FOXP1: variants seen among roughly 807,000 people sequenced by gnomAD.
The protein encoded by FOXP1 is forkhead box protein P1.
A neutral mutation model predicts 98.2 loss-of-function variants in FOXP1; 15 were observed. The observed-to-expected ratio is 0.15, with a 90% CI of 0.10 to 0.24. The LOEUF (loss-of-function observed/expected upper bound fraction) is 0.24. Among genes scored for constraint, FOXP1 ranks in the 10% least tolerant of loss-of-function variants. FOXP1 has a pLI of 1.00. For missense variants in FOXP1, 633 were observed against 848.5 expected, an observed-to-expected ratio of 0.75 and a Z score of 3.15; for synonymous variants, 371 against 314.5, an observed-to-expected ratio of 1.18 and a Z score of -1.90.
At chr3:70,967,700 G>GTTTTTGTTT (rs2035203703) in intron 19 of FOXP1, among the ~76,000 whole-genome samples, 3 of 63,628 alleles carry the variant, frequency 4.7e-5, no homozygotes, top group African/African-American at 1.6e-4. Flanking sequence ...TTTTTTTTTT[G>GTTTTTGTTT]TTTTTTTTTG....
rs112834012 is a variant in FOXP1, at chr3:71,491,452, C to T, written c.-168+1974G>A. ...GAACCGAACAACTTGCCCAAGGCCA[C>T]CCAGTAAAAAGATCAAAGATCACTA... On this transcript the variant is annotated intron_variant, in intron 3 of 20. Transcript: ENST00000649528. Among the ~76,000 whole-genome samples the T allele has an allele frequency of 4.7e-3, 712 of 152,308 alleles. 8 individuals carry two copies. Among genetic ancestry groups the T allele is most frequent in the African/African-American group, 0.016 (677 of 41,574 alleles).
At chr3:71,346,458 T>C (rs2077367098) in intron 4 of FOXP1, among the ~76,000 whole-genome samples, 1 of 152,248 alleles carries the variant, frequency 6.6e-6, no homozygotes, top group Non-Finnish European at 1.5e-5. Context: ...GTGGTTGTTT[T>C]CATCCAAGGT....
intron 5 of FOXP1, among the ~76,000 whole-genome samples, chr3:71,259,397 T>A (rs1401750445): frequency 6.6e-6 from 1 of 152,246 alleles, no homozygotes; most frequent in African/African-American, 2.4e-5. Context: ...CGTAAAGGAT[T>A]CAGAATGGTT....
At chr3:71,249,459 G>A (rs1364412127) in intron 5 of FOXP1, among the ~76,000 whole-genome samples, 1 of 152,200 alleles carries the variant, frequency 6.6e-6, no homozygotes, top group Non-Finnish European at 1.5e-5. Flanking sequence ...CTTGCAAAAT[G>A]CAGGCTGTTA....
intron 2 of FOXP1, among the ~76,000 whole-genome samples, chr3:71,506,042 G>A (rs570534768): frequency 6.6e-6 from 1 of 152,308 alleles, no homozygotes; most frequent in African/African-American, 2.4e-5. Flanking sequence ...ACAACAATAA[G>A]AGCCTTGTCA....
chr3:70,990,114 G>T (rs563683739), intron 13 of FOXP1, among the ~76,000 whole-genome samples: 184 of 152,254 alleles, frequency 1.2e-3, no homozygotes, highest in African/African-American at 4.3e-3. Flanking sequence ...AACCTCAATT[G>T]TACCACCCTA....
At chr3:71,037,211 G>C (rs1044046759) in intron 11 of FOXP1, among the ~76,000 whole-genome samples, 1 of 152,148 alleles carries the variant, frequency 6.6e-6, no homozygotes, top group South Asian at 2.1e-4. Flanking sequence ...GTGAGTTCTT[G>C]TCCCTTTCCC....
chr3:71,244,291 G>A (rs373294630), intron 5 of FOXP1, among the ~76,000 whole-genome samples: 6 of 152,064 alleles, frequency 3.9e-5, no homozygotes, highest in Admixed American at 6.6e-5. Context: ...GCCACAGTGC[G>A]TGCGCTCTCA....
At chr3:71,278,485 G>C (rs962789880) in intron 5 of FOXP1, among the ~76,000 whole-genome samples, 8 of 152,118 alleles carry the variant, frequency 5.3e-5, no homozygotes, top group African/African-American at 7.2e-5. Flanking sequence ...GCAGCAATTT[G>C]ATTAAACAAA....
chr3:71,434,318 G>C (rs1191923576), intron 3 of FOXP1, among the ~76,000 whole-genome samples: 1 of 151,834 alleles, frequency 6.6e-6, no homozygotes, highest in African/African-American at 2.4e-5. Context: ...GACAGCTTCA[G>C]AAGACACCTC....
At chr3:71,515,432 G>GC (rs2042496655) in intron 2 of FOXP1, among the ~76,000 whole-genome samples, 1 of 8,182 alleles carries the variant, frequency 1.2e-4, no homozygotes, top group Non-Finnish European at 2.7e-4. Context: ...AATTTACACA[G>GC]CAAAAAAAAA....
intron 11 of FOXP1, among the ~76,000 whole-genome samples, chr3:71,024,096 C>G (rs576822748): frequency 6.6e-6 from 1 of 152,084 alleles, no homozygotes; most frequent in South Asian, 2.1e-4. Context: ...GAAAACAGAA[C>G]GACAGGTAAA....
intron 5 of FOXP1, among the ~76,000 whole-genome samples, chr3:71,267,652 T>C (rs1402516651): frequency 1.3e-5 from 2 of 152,194 alleles, no homozygotes; most frequent in African/African-American, 4.8e-5. Context: ...TGTAAAATTA[T>C]ATAAGATAAA....
intron 2 of FOXP1, chr3:71,573,856 A>G (rs1472599492): frequency 1.3e-5 from 2 of 152,230 alleles, no homozygotes; most frequent in African/African-American, 4.8e-5. Context: ...CATCACTAAA[A>G]AAAGGTCTGT....
At chr3:71,291,929 T>C (rs1201136816) in intron 5 of FOXP1, among the ~76,000 whole-genome samples, 2 of 151,882 alleles carry the variant, frequency 1.3e-5, no homozygotes, top group Non-Finnish European at 2.9e-5. Context: ...ATGATTTTGA[T>C]CTCTTGACCT....
At chr3:71,179,389 T>TGA (rs1162561779) in intron 6 of FOXP1, among the ~76,000 whole-genome samples, 1 of 152,088 alleles carries the variant, frequency 6.6e-6, no homozygotes, top group Admixed American at 6.6e-5. Context: ...ATTACAGGTG[T>TGA]GAGCCACTAC....
chr3:71,461,820 G>A (rs1312559577), intron 3 of FOXP1, among the ~76,000 whole-genome samples: 1 of 149,680 alleles, frequency 6.7e-6, no homozygotes, highest in African/African-American at 2.5e-5. Flanking sequence ...AAAAAAGAAG[G>A]AAAACAAGGT....
At chr3:71,558,005 C>T (rs1008194245) in intron 2 of FOXP1, among the ~76,000 whole-genome samples, 5 of 152,058 alleles carry the variant, frequency 3.3e-5, no homozygotes, top group South Asian at 2.1e-4. Context: ...TTAGTAGAGA[C>T]GGGGTTTCAC....
chr3:71,548,419 A>C (rs776728866), intron 2 of FOXP1, among the ~76,000 whole-genome samples: 2 of 151,202 alleles, frequency 1.3e-5, no homozygotes, highest in Non-Finnish European at 2.9e-5. Flanking sequence ...TTTTGTTTTT[A>C]TTTTAAGACA....
Sources: allele counts gnomAD v4.1 joint callset (sites outside exome capture counted in the v4.1 genomes callset), GRCh38; gene constraint gnomAD v4.1.1; transcripts MANE v1.5; gene names NCBI Gene and HGNC (gene_info 2026-07-23, HGNC 2026-07-21).